Variants in NSUN2 observed in about 807,000 individuals in gnomAD.
NSUN2 encodes NOP2/Sun RNA methyltransferase 2, also known as RNA cytosine C(5)-methyltransferase NSUN2.
Under a neutral mutation model 92.7 loss-of-function variants are expected in NSUN2, and 63 were observed. That is an observed-to-expected ratio of 0.68 (90% CI 0.56 to 0.84). The LOEUF (loss-of-function observed/expected upper bound fraction) is 0.84, where lower values mean the gene tolerates loss of function less well. Among genes scored for constraint, NSUN2 ranks in the 40% least tolerant of loss-of-function variants. The pLI, the probability that NSUN2 is intolerant of heterozygous loss-of-function variation, is 0.00. For synonymous variants in NSUN2, 356 were observed against 348.3 expected (o/e 1.02, Z -0.25); for missense variants, 989 against 964.9 (o/e 1.02, Z -0.33).
intron 10 of NSUN2, 119 bp downstream of exon 10, chr5:6,611,606 T>C: frequency 1.4e-6 from 1 of 729,654 alleles, no homozygotes. Context: ...TGATTCTAAT[T>C]GGCATAACCA....
At position 6,611,870 on chromosome 5, in the gene NSUN2, C is replaced by A. The variant is rs3733776; in HGVS notation, c.1022-72G>T. The A allele has an allele frequency of 0.64, 839,561 of 1,312,242 alleles. 271,788 individuals are homozygous for A. Among genetic ancestry groups the A allele is most frequent in the Non-Finnish European group, 0.67 (620,956 of 919,992 alleles). 81.3% of individuals were successfully genotyped at this position (1,312,242 alleles called of 1,614,324 possible). A position where few individuals can be genotyped will look rare whatever the true frequency, so the allele number is the denominator to read the frequency against. On this transcript the variant is annotated intron_variant, in intron 9 of 18. Transcript: ENST00000264670. ...AACACACTATGCTCAGTGAAAAAAA[C>A]CAGACACAGATCACATATTATATGA...
chr5:6,625,638 A>C lies in NSUN2; in HGVS notation c.391T>G (p.Leu131Val). The change falls in exon 4 of 19, where the codon TTA (leucine) becomes GTA (valine). Residue 131 changes from leucine to valine, a missense_variant. Leu to Val is a conservative substitution (Grantham distance 32). Coordinates refer to ENST00000264670, the MANE Select transcript of NSUN2 (RefSeq NM_017755.6). ...YPEELAWHTN[L>V]SRKILRKSPH... is the part of the protein sequence containing the mutation. ...GATTTTCTCAAGATTTTTCGACTTA[A>C]ATTTGTGTGCCAGGCAAGTTCTTCA... 6.2e-7 allele frequency: 1 copy of C among 1,614,210 alleles called. No individual in the cohort carries two copies. The highest frequency in any genetic ancestry group is 8.5e-7 in the Non-Finnish European group (1 of 1,180,012).
chr5:6,623,551 C>T (rs1172184426), intron 4 of NSUN2, among the ~76,000 whole-genome samples: 7 of 152,136 alleles, frequency 4.6e-5, no homozygotes, highest in East Asian at 1.9e-4. Flanking sequence ...TACAGAGCCC[C>T]AACTCCCCAT....
At chr5:6,602,575 T>C in intron 17 of NSUN2, 75 bp from the exon 18 acceptor site, 1 of 1,234,406 alleles carries the variant, frequency 8.1e-7, no homozygotes, top group African/African-American at 1.5e-5. Flanking sequence ...TTTCTGCACC[T>C]AGTGATGTGT....
chr5:6,603,917 A>C (rs777518434), intron 17 of NSUN2: 43 of 479,466 alleles, frequency 9.0e-5, no homozygotes, highest in Non-Finnish European at 1.4e-4. Flanking sequence ...GCAGCAGGGC[A>C]CCACCAGAGC....
chr5:6,605,199 ATGAAATCTAAGCCGCTG>A, intron 15 of NSUN2, 57 bp downstream of exon 15: 1 of 1,582,764 alleles, frequency 6.3e-7, no homozygotes, highest in Non-Finnish European at 8.6e-7. Flanking sequence ...TCTGCTCCAA[ATGAAATCTAAGCCGCTG>A]TGAAAAGCCA....
chr5:6,631,165 T>C (rs543087209), intron 3 of NSUN2, among the ~76,000 whole-genome samples: 3 of 152,302 alleles, frequency 2.0e-5, no homozygotes, highest in Admixed American at 1.3e-4. Flanking sequence ...GAGAACTCAA[T>C]ACCTCAAAGT....
intron 12 of NSUN2, among the ~76,000 whole-genome samples, chr5:6,609,040 C>G (rs1250087840): frequency 1.3e-5 from 2 of 152,206 alleles, no homozygotes; most frequent in Non-Finnish European, 2.9e-5. Context: ...CAACGTTAAA[C>G]TGCACAAACC....
chr5:6,631,525 A>T (rs1308452620), intron 3 of NSUN2, among the ~76,000 whole-genome samples: 1 of 152,190 alleles, frequency 6.6e-6, no homozygotes, highest in East Asian at 1.9e-4. Flanking sequence ...TTGTCAAGCT[A>T]AGTCTGTCCT....
At chr5:6,610,012 G>GA in intron 11 of NSUN2, 90 bp from the exon 12 acceptor site, 1 of 861,298 alleles carries the variant, frequency 1.2e-6, no homozygotes, top group Non-Finnish European at 1.8e-6. Context: ...TGATACAAGA[G>GA]AAAAATCATG....
rs533400804 is a variant in NSUN2 at position 6,626,413 on chromosome 5, A to C, written c.360-744T>G. Reference sequence around the variant, plus strand: ...TTTTGAGACAGTCTCACTGTCACCTAGGCTGGAGTGTAGTGGTGTAATCTC... The same window carrying C: ...TTTTGAGACAGTCTCACTGTCACCTCGGCTGGAGTGTAGTGGTGTAATCTC... On this transcript the variant is annotated intron_variant, in intron 3 of 18. Transcript: ENST00000264670. Among the ~76,000 whole-genome samples, 7 of 151,678 alleles carry C rather than the reference A, an allele frequency of 4.6e-5. No individual in the cohort carries two copies. The South Asian group carries it at 1.2e-3, about 27-fold the overall frequency.
At chr5:6,612,606 C>T (rs1212817403) in intron 9 of NSUN2, among the ~76,000 whole-genome samples, 1 of 152,168 alleles carries the variant, frequency 6.6e-6, no homozygotes, top group Non-Finnish European at 1.5e-5. Context: ...TCCCAGAAAA[C>T]ATGAAAATGG....
At position 6,600,215 on chromosome 5, in the gene NSUN2, T is replaced by C. The variant is rs1286443560; in HGVS notation, c.2015A>G (p.Gln672Arg). 17 of 1,613,488 alleles carry C rather than the reference T, an allele frequency of 1.1e-5. No homozygotes were observed. The highest frequency in any genetic ancestry group is 1.7e-5 in the Admixed American group (1 of 59,950). ...CCATCCGCATAAGACGATGGGACAC[T>C]GCAGAGCGTCTGGATTCCTACAAGT... is the stretch of plus-strand genomic sequence containing the variant. The part of the protein sequence containing the change: ...EPDSANPDAL[Q>R]CPIVLCGWRG... Residue 672 changes from glutamine to arginine, a missense_variant, in exon 19 of 19, where the codon CAG becomes CGG. Around this residue, in one of 3 missense-constraint regions of NSUN2, gnomAD observed 626 missense variants for 602.3 expected, o/e 1.04. Coordinates refer to ENST00000264670, the MANE Select transcript of NSUN2 (RefSeq NM_017755.6).
chr5:6,606,230 T>C lies in NSUN2; in HGVS notation c.1601+590A>G, dbSNP rs963470786. ...TTGGCTACTCGTCTATATACTCAAT[T>C]GAGTAATTTAGGTTCAGGATCACAA... On this transcript the variant is annotated intron_variant, in intron 14 of 18. Coordinates refer to ENST00000264670, the MANE Select transcript of NSUN2 (RefSeq NM_017755.6). Among the ~76,000 whole-genome samples the C allele has an allele frequency of 1.6e-4, 25 of 152,336 alleles. No individual in the cohort carries two copies. The South Asian group carries it at 2.9e-3, about 18-fold the overall frequency.
At chr5:6,622,160 T>G in intron 5 of NSUN2, 60 bp from the exon 6 acceptor site, 1 of 1,324,618 alleles carries the variant, frequency 7.5e-7, no homozygotes, top group South Asian at 1.2e-5. Context: ...CTACATTTAA[T>G]TTAAAGCAAT....
intron 17 of NSUN2, among the ~76,000 whole-genome samples, chr5:6,603,180 G>C (rs535554265): frequency 3.3e-5 from 5 of 152,310 alleles, no homozygotes; most frequent in Admixed American, 2.0e-4. Context: ...AAGAAAATTA[G>C]AACAGCTTGG....
At chr5:6,611,930 C>G in intron 9 of NSUN2, 132 bp from the exon 10 acceptor site, 1 of 768,908 alleles carries the variant, frequency 1.3e-6, no homozygotes, top group Non-Finnish European at 2.1e-6. Context: ...GAAGGCAAAC[C>G]CGTCGACAGA....
At chr5:6,624,154 T>C (rs1366894866) in intron 4 of NSUN2, among the ~76,000 whole-genome samples, 1 of 152,186 alleles carries the variant, frequency 6.6e-6, no homozygotes, top group African/African-American at 2.4e-5. Context: ...CCAGCATGAG[T>C]CTGTGGTGAT....
intron 3 of NSUN2, among the ~76,000 whole-genome samples, chr5:6,626,701 A>C (rs1737671815): frequency 6.6e-6 from 1 of 152,206 alleles, no homozygotes; most frequent in Non-Finnish European, 1.5e-5. Context: ...TGCACCGTAC[A>C]AATGAGCACA....
Sources: gnomAD v4.1 joint callset for allele counts (sites outside exome capture counted in the v4.1 genomes callset) on GRCh38, gnomAD v4.1.1 for gene constraint, gnomAD v4.1.1 regional missense constraint, MANE v1.5 for transcripts, NCBI Gene and HGNC (gene_info 2026-07-23, HGNC 2026-07-21) for gene names.